STK39: variants seen among roughly 807,000 people sequenced by gnomAD.
The protein encoded by STK39 is serine/threonine kinase 39, also known as STE20/SPS1-related proline-alanine-rich protein kinase.
Under a neutral mutation model 77.8 loss-of-function variants are expected in STK39, and 20 were observed. That is an observed-to-expected ratio of 0.26 (90% confidence interval 0.18 to 0.37). The LOEUF is 0.37. Ranked by LOEUF, STK39 falls within the 10% of genes least tolerant of loss-of-function variation. The probability of loss-of-function intolerance (pLI) is 1.00; values close to 1 mark genes in which losing one functional copy is unlikely to be tolerated. For missense variants in STK39, 479 were observed against 656.5 expected (o/e 0.73, Z 2.95); for synonymous variants, 246 against 234.1 (o/e 1.05, Z -0.47).
At chr2:168,130,868 T>A (rs914934144) in intron 8 of STK39, among the ~76,000 whole-genome samples, 1 of 152,144 alleles carries the variant, frequency 6.6e-6, no homozygotes, top group African/African-American at 2.4e-5. Flanking sequence ...ACTGGCCTGA[T>A]CTCTTTCAGG....
At chr2:168,148,274 C>G (rs543292274) in intron 5 of STK39, among the ~76,000 whole-genome samples, 1 of 152,156 alleles carries the variant, frequency 6.6e-6, no homozygotes, top group African/African-American at 2.4e-5. Context: ...GAAATAGGCA[C>G]AACTTTTTTC....
At chr2:168,007,039 T>C (rs1684149661) in intron 16 of STK39, among the ~76,000 whole-genome samples, 1 of 152,232 alleles carries the variant, frequency 6.6e-6, no homozygotes, top group Non-Finnish European at 1.5e-5. Flanking sequence ...GCTATTGCTT[T>C]TTCAGCCTTT....
At chr2:168,205,288 G>T (rs1689713995) in intron 1 of STK39, among the ~76,000 whole-genome samples, 1 of 152,118 alleles carries the variant, frequency 6.6e-6, no homozygotes, top group African/African-American at 2.4e-5. Context: ...CAACTTAATT[G>T]CAAATTTGTG....
intron 5 of STK39, among the ~76,000 whole-genome samples, chr2:168,141,441 C>G (rs1687982462): frequency 6.6e-6 from 1 of 152,138 alleles, no homozygotes; most frequent in Non-Finnish European, 1.5e-5. Flanking sequence ...TTTGAGATTT[C>G]ACATATTCTG....
At chr2:168,133,600 C>T (rs1687756832) in intron 8 of STK39, among the ~76,000 whole-genome samples, 1 of 152,084 alleles carries the variant, frequency 6.6e-6, no homozygotes, top group South Asian at 2.1e-4. Flanking sequence ...GGAGCGGTGG[C>T]TCACACCTGT....
rs1332577909 is a variant in STK39, at chr2:168,247,459, G to A, written c.-24C>T. The A allele has an allele frequency of 3.8e-6, 5 of 1,310,518 alleles. No individual in the cohort carries two copies. Among genetic ancestry groups the A allele is most frequent in the South Asian group, 1.7e-5 (1 of 59,750 alleles). 81.2% of individuals were successfully genotyped at this position (1,310,518 alleles called of 1,614,324 possible). On this transcript the variant is annotated 5_prime_UTR_variant, in exon 1 of 18. Coordinates refer to ENST00000355999, the MANE Select transcript of STK39 (RefSeq NM_013233.3). ...ATGATGCTGCGGAGGAGAGCAGGAG[G>A]ACGCGCCGGCCGACGGACGACCTTC...
At chr2:168,086,673 C>T (rs573679563) in intron 10 of STK39, among the ~76,000 whole-genome samples, 3 of 152,188 alleles carry the variant, frequency 2.0e-5, no homozygotes, top group Non-Finnish European at 4.4e-5. Context: ...ACATTTATAG[C>T]AACTTCCTTA....
At chr2:168,163,697 G>A in intron 4 of STK39, 42 bp downstream of exon 4, 1 of 1,612,766 alleles carries the variant, frequency 6.2e-7, no homozygotes, top group Non-Finnish European at 8.5e-7. Context: ...ACCTCTTTAA[G>A]ATATGAACAT....
chr2:168,180,153 C>T (rs766821000), intron 2 of STK39, among the ~76,000 whole-genome samples: 1 of 152,162 alleles, frequency 6.6e-6, no homozygotes, highest in Non-Finnish European at 1.5e-5. Context: ...TCGAGACCAG[C>T]CTGGCCAACA....
At chr2:168,247,068 A>AC in intron 1 of STK39, among the ~76,000 whole-genome samples, 160 bp downstream of exon 1, 1 of 132,410 alleles carries the variant, frequency 7.6e-6, no homozygotes, top group Admixed American at 9.7e-5. Flanking sequence ...AATTAAAAAA[A>AC]AAAAAAAAAA....
chr2:168,058,683 A>C (rs1223493368), intron 14 of STK39, among the ~76,000 whole-genome samples: 2 of 152,206 alleles, frequency 1.3e-5, no homozygotes, highest in East Asian at 3.9e-4. Context: ...TTCAGGCCAA[A>C]ACCTTGAGTA....
chr2:168,067,873 A>G (rs962479706), intron 12 of STK39, among the ~76,000 whole-genome samples: 4 of 152,206 alleles, frequency 2.6e-5, no homozygotes, highest in African/African-American at 9.6e-5. Flanking sequence ...TCATATTGCT[A>G]TGAACAAATA....
At chr2:167,965,002 G>A (rs1319258793) in intron 16 of STK39, among the ~76,000 whole-genome samples, 1 of 152,020 alleles carries the variant, frequency 6.6e-6, no homozygotes, top group Admixed American at 6.6e-5. Context: ...AATTTCTAAC[G>A]GAAAGTAGAA....
chr2:168,092,562 A>G (rs905226319), intron 10 of STK39, among the ~76,000 whole-genome samples: 1 of 152,230 alleles, frequency 6.6e-6, no homozygotes, highest in African/African-American at 2.4e-5. Context: ...TCACACAGTG[A>G]ATAAAGATAA....
chr2:168,196,786 G>T (rs1169759991), intron 1 of STK39, among the ~76,000 whole-genome samples: 3 of 152,210 alleles, frequency 2.0e-5, no homozygotes, highest in African/African-American at 7.2e-5. Flanking sequence ...AGAAGGGGCT[G>T]ACCATGCAAA....
At chr2:168,010,549 T>G (rs1684245644) in intron 16 of STK39, among the ~76,000 whole-genome samples, 1 of 152,200 alleles carries the variant, frequency 6.6e-6, no homozygotes, top group Admixed American at 6.5e-5. Flanking sequence ...AAAGACAAGA[T>G]ATATAAGGGA....
At chr2:168,247,081 A>AG in intron 1 of STK39, 147 bp downstream of exon 1, 1 of 287,908 alleles carries the variant, frequency 3.5e-6, no homozygotes, top group East Asian at 1.4e-4. Flanking sequence ...AAAAAAAAAA[A>AG]AAAAAAAACT....
chr2:168,157,602 ACATGGTAGAAGGG>A (rs1015895043), intron 5 of STK39, among the ~76,000 whole-genome samples: 1 of 152,096 alleles, frequency 6.6e-6, no homozygotes, highest in Non-Finnish European at 1.5e-5. Flanking sequence ...TCGTGTCCTC[ACATGGTAGAAGGG>A]CACGGCAGCT....
rs190508583 is a variant in STK39, at chr2:167,983,328, A to T, written c.1499-18602T>A. ...AACCCTGTCTCTACTAAAAATACAA[A>T]ATTAGCTGGGCGTGGTGTCACATGC... On this transcript the variant is annotated intron_variant, in intron 16 of 17. Transcript: ENST00000355999. Among the ~76,000 whole-genome samples the T allele has an allele frequency of 7.8e-4, 119 of 151,980 alleles. 1 individual carries two copies. Among genetic ancestry groups the T allele is most frequent in the African/African-American group, 2.7e-3 (110 of 41,436 alleles).
Sources: gnomAD v4.1 joint callset for allele counts (sites outside exome capture counted in the v4.1 genomes callset) on GRCh38, gnomAD v4.1.1 for gene constraint, MANE v1.5 for transcripts, NCBI Gene and HGNC (gene_info 2026-07-23, HGNC 2026-07-21) for gene names.